HNRNPR: variants seen among roughly 807,000 people sequenced by gnomAD.
HNRNPR encodes heterogeneous nuclear ribonucleoprotein R.
Under a neutral mutation model 70.3 loss-of-function variants are expected in HNRNPR, and 4 were observed. That is an observed-to-expected ratio of 0.06 (90% CI 0.03 to 0.13). The LOEUF (loss-of-function observed/expected upper bound fraction) is 0.13, where lower values mean the gene tolerates loss of function less well. HNRNPR is among the 10% of genes least tolerant of loss of function. The probability of loss-of-function intolerance (pLI) is 1.00; values close to 1 mark genes in which losing one functional copy is unlikely to be tolerated. For missense variants in HNRNPR, 423 were observed against 788.5 expected (o/e 0.54, Z 5.55); for synonymous variants, 241 against 267.6 (o/e 0.90, Z 0.97).
At chr1:23,338,753 C>T (rs1646599723) in intron 2 of HNRNPR, 145 bp from the exon 3 acceptor site, 1 of 445,474 alleles carries the variant, frequency 2.2e-6, no homozygotes, top group Non-Finnish European at 4.1e-6. Context: ...ACGCAGCTAT[C>T]CAAATACTAC....
chr1:23,314,286 A>G (rs193135894), intron 8 of HNRNPR, among the ~76,000 whole-genome samples: 1 of 152,288 alleles, frequency 6.6e-6, no homozygotes, highest in African/African-American at 2.4e-5. Flanking sequence ...AAATTTTAGA[A>G]CAAGAATGAT....
At chr1:23,315,707 CAT>C (rs1645515613) in intron 8 of HNRNPR, among the ~76,000 whole-genome samples, 1 of 152,126 alleles carries the variant, frequency 6.6e-6, no homozygotes, top group Admixed American at 6.5e-5. Context: ...ACTAAGAAAA[CAT>C]AGTACCTATC....
intron 5 of HNRNPR, among the ~76,000 whole-genome samples, chr1:23,324,295 G>A (rs1331450812): frequency 5.3e-5 from 8 of 152,162 alleles, no homozygotes; most frequent in Non-Finnish European, 8.8e-5. Context: ...TCGGCCGGGC[G>A]CGGCAGCTCA....
At chr1:23,325,272 T>TGGAATAATAGGTAAATATAGAA (rs2148400555) in intron 5 of HNRNPR, among the ~76,000 whole-genome samples, 1 of 152,304 alleles carries the variant, frequency 6.6e-6, no homozygotes, top group South Asian at 2.1e-4. Flanking sequence ...GAAAAATAGC[T>TGGAATAATAGGTAAATATAGAA]GGAATAATAG....
rs1047745570 is a variant in HNRNPR, at chr1:23,305,498, T to C, written c.*4956A>G. The stretch of plus-strand genomic sequence containing the variant: ...TGATATTCTCAACCAATAAAGAAGA[T>C]ACAGTGCTGTAAGAATACTGAGAAG... On this transcript the variant is annotated 3_prime_UTR_variant, in exon 11 of 11. Coordinates refer to ENST00000302271, the MANE Select transcript of HNRNPR (RefSeq NM_005826.5). The C allele has an allele frequency of 6.6e-6, 1 of 152,182 alleles. No individual in the cohort carries two copies. Among genetic ancestry groups the C allele is most frequent in the African/African-American group, 2.4e-5 (1 of 41,442 alleles). The allele number at this position is 152,182 out of a possible 1,614,324, so 9.4% of individuals were successfully genotyped here.
At chr1:23,311,092 G>C in intron 10 of HNRNPR, 26 bp from the exon 11 acceptor site, 2 of 1,606,894 alleles carry the variant, frequency 1.2e-6, no homozygotes, top group East Asian at 4.5e-5. Flanking sequence ...AGGGAGAAAA[G>C]AAAAAACAAA....
intron 8 of HNRNPR, among the ~76,000 whole-genome samples, chr1:23,315,302 A>AAAAAC (rs1557835030): frequency 1.6e-5 from 2 of 127,152 alleles, no homozygotes; most frequent in Admixed American, 8.0e-5. Flanking sequence ...AAAAAAAAAA[A>AAAAAC]AAACAAAAAC....
intron 6 of HNRNPR, 113 bp from the exon 7 acceptor site, chr1:23,321,776 A>C: frequency 1.0e-6 from 1 of 956,004 alleles, no homozygotes; most frequent in Non-Finnish European, 1.5e-6. Flanking sequence ...TCATCAACTC[A>C]CCAAGTTCCC....
At chr1:23,341,144 AT>A (rs1258799604) in intron 1 of HNRNPR, 127 bp from the exon 2 acceptor site, 65 of 664,438 alleles carry the variant, frequency 9.8e-5, no homozygotes, top group Non-Finnish European at 7.4e-6. Flanking sequence ...ATAATAATTT[AT>A]TCCTCCTGTG....
At chr1:23,334,881 C>T (rs751145883) in intron 4 of HNRNPR, among the ~76,000 whole-genome samples, 2 of 151,242 alleles carry the variant, frequency 1.3e-5, no homozygotes, top group Non-Finnish European at 2.9e-5. Flanking sequence ...CAAAGAAACA[C>T]AATCTACCTA....
chr1:23,333,451 A>G (rs1646327097), intron 5 of HNRNPR, 67 bp downstream of exon 5: 2 of 921,400 alleles, frequency 2.2e-6, no homozygotes, highest in Non-Finnish European at 3.6e-6. Context: ...TCTGTACAGT[A>G]TCTGCATAGT....
intron 4 of HNRNPR, among the ~76,000 whole-genome samples, chr1:23,336,760 T>A (rs1646507072): frequency 1.5e-5 from 2 of 134,006 alleles, no homozygotes; most frequent in Non-Finnish European, 1.5e-5. Flanking sequence ...AGAGTGAGAC[T>A]CTGTCTCAAA....
intron 9 of HNRNPR, among the ~76,000 whole-genome samples, chr1:23,312,921 A>T (rs1039890677): frequency 6.6e-6 from 1 of 152,158 alleles, no homozygotes; most frequent in African/African-American, 2.4e-5. Context: ...CACCCATTAA[A>T]GATAGTCCTA....
intron 7 of HNRNPR, among the ~76,000 whole-genome samples, chr1:23,319,408 T>C (rs1413370328): frequency 2.8e-4 from 43 of 152,188 alleles, no homozygotes; most frequent in Admixed American, 2.8e-3. Context: ...AACAGTGCCA[T>C]CCACCTGGTT....
chr1:23,321,748 G>C, intron 6 of HNRNPR, 85 bp from the exon 7 acceptor site: 1 of 1,349,584 alleles, frequency 7.4e-7, no homozygotes, highest in Non-Finnish European at 1.0e-6. Flanking sequence ...AACAATTTAA[G>C]GCCAAACGCT....
chr1:23,338,644 A>G (rs531447994), intron 2 of HNRNPR, 36 bp from the exon 3 acceptor site: 1 of 1,004,156 alleles, frequency 1.0e-6, no homozygotes, highest in Non-Finnish European at 1.5e-6. Flanking sequence ...CGTTATTGCA[A>G]CAAAAGGGGT....
Position 23,341,036 on chromosome 1 carries a change from G to T in HNRNPR, c.-9-19C>A, listed in dbSNP as rs745447248. Reference sequence around the variant, plus strand: ...TATTATGCTGCTGGAAAAAATTCAGGAGCTATATTACATTAAGCCAGAAAT... The same window carrying T: ...TATTATGCTGCTGGAAAAAATTCAGTAGCTATATTACATTAAGCCAGAAAT... On this transcript the variant is annotated intron_variant, in intron 1 of 10. Coordinates refer to ENST00000302271, the MANE Select transcript of HNRNPR (RefSeq NM_005826.5). 6 of 1,593,680 alleles carry T rather than the reference G, an allele frequency of 3.8e-6. No homozygotes were observed. The highest frequency in any genetic ancestry group is 1.1e-5 in the South Asian group (1 of 87,886).
At chr1:23,325,742 G>A (rs1288677991) in intron 5 of HNRNPR, among the ~76,000 whole-genome samples, 1 of 152,046 alleles carries the variant, frequency 6.6e-6, no homozygotes, top group African/African-American at 2.4e-5. Flanking sequence ...CTCATATTTT[G>A]CTCAGTACCA....
At chr1:23,337,698 C>A in intron 4 of HNRNPR, 56 bp downstream of exon 4, 1 of 983,506 alleles carries the variant, frequency 1.0e-6, no homozygotes, top group Non-Finnish European at 1.6e-6. Context: ...TGGAAAGAGG[C>A]ATTTGACCTC....
Sources: allele counts gnomAD v4.1 joint callset (sites outside exome capture counted in the v4.1 genomes callset), GRCh38; gene constraint gnomAD v4.1.1; transcripts MANE v1.5; gene names NCBI Gene and HGNC (gene_info 2026-07-23, HGNC 2026-07-21).